Variants in ZNF385D observed in about 807,000 individuals in gnomAD.
The protein encoded by ZNF385D is zinc finger protein 385D, also known as zinc finger protein 659.
In ZNF385D, 15 loss-of-function variants were observed where a neutral mutation model predicts 35.8. The observed-to-expected ratio is 0.42, with a 90% CI of 0.28 to 0.64. ZNF385D has a LOEUF of 0.64. Ranked by LOEUF, ZNF385D falls within the 30% of genes least tolerant of loss-of-function variation. ZNF385D has a pLI of 0.23. For missense variants in ZNF385D, 474 were observed against 494.6 expected (o/e 0.96, Z 0.39); for synonymous variants, 212 against 186.8 (o/e 1.13, Z -1.10).
chr3:21,472,374 A>G (rs1183866115), intron 4 of ZNF385D, among the ~76,000 whole-genome samples: 1 of 152,112 alleles, frequency 6.6e-6, no homozygotes, highest in Non-Finnish European at 1.5e-5. Flanking sequence ...ATAAAATAAG[A>G]GCAAAAAAAG....
At chr3:22,270,892 A>G (rs1014922068) in intron 2 of ZNF385D, among the ~76,000 whole-genome samples, 6 of 152,070 alleles carry the variant, frequency 3.9e-5, no homozygotes, top group Admixed American at 2.6e-4. Flanking sequence ...TAAAAAACTA[A>G]TATCACACAA....
At chr3:22,104,971 T>G (rs927458589) in intron 3 of ZNF385D, among the ~76,000 whole-genome samples, 2 of 152,148 alleles carry the variant, frequency 1.3e-5, no homozygotes, top group African/African-American at 4.8e-5. Flanking sequence ...CGTCTTTACA[T>G]TGACCCAGTA....
intron 2 of ZNF385D, among the ~76,000 whole-genome samples, chr3:22,185,543 CT>C (rs1472426507): frequency 1.3e-5 from 2 of 152,138 alleles, no homozygotes; most frequent in Non-Finnish European, 2.9e-5. Flanking sequence ...TCTTGGCTCA[CT>C]GCAACCTCCG....
chr3:21,435,318 C>T (rs970528775), intron 5 of ZNF385D, among the ~76,000 whole-genome samples: 3 of 133,292 alleles, frequency 2.3e-5, no homozygotes, highest in African/African-American at 5.8e-5. Context: ...AGTGCAGTGG[C>T]GCGATCATGG....
chr3:22,089,481 C>G (rs1055539362), intron 3 of ZNF385D, among the ~76,000 whole-genome samples: 2 of 152,162 alleles, frequency 1.3e-5, no homozygotes, highest in African/African-American at 4.8e-5. Context: ...GCGGTACACG[C>G]AATTTCTGCA....
At chr3:21,627,246 G>T (rs1259802077) in intron 2 of ZNF385D, among the ~76,000 whole-genome samples, 1 of 139,420 alleles carries the variant, frequency 7.2e-6, no homozygotes, top group Admixed American at 7.2e-5. Context: ...AGAGGTGTAG[G>T]GTGTGTGTGT....
intron 2 of ZNF385D, among the ~76,000 whole-genome samples, chr3:22,217,384 G>T (rs545336847): frequency 6.6e-6 from 1 of 152,198 alleles, no homozygotes; most frequent in South Asian, 2.1e-4. Context: ...TTCCTTCAAA[G>T]AAGGCATCTC....
chr3:21,949,262 A>T (rs563648), intron 3 of ZNF385D, among the ~76,000 whole-genome samples: 39,477 of 152,144 alleles, frequency 0.26, 5,844 homozygotes, highest in Admixed American at 0.41. Context: ...TAATAATTCT[A>T]TATGACATGG....
At chr3:22,260,471 A>G (rs1012507540) in intron 2 of ZNF385D, among the ~76,000 whole-genome samples, 1 of 152,042 alleles carries the variant, frequency 6.6e-6, no homozygotes, top group Non-Finnish European at 1.5e-5. Flanking sequence ...CTATGTAACA[A>G]ATCTGCACAT....
intron 2 of ZNF385D, among the ~76,000 whole-genome samples, chr3:22,225,359 C>A (rs920544466): frequency 6.6e-6 from 1 of 152,222 alleles, no homozygotes; most frequent in East Asian, 1.9e-4. Context: ...TCTCGTGTAA[C>A]CCGCGTCCAC....
At chr3:21,560,565 A>G (rs542341978) in intron 3 of ZNF385D, among the ~76,000 whole-genome samples, 1 of 152,252 alleles carries the variant, frequency 6.6e-6, no homozygotes, top group Non-Finnish European at 1.5e-5. Context: ...GCTCTCCTGT[A>G]TGAGGTGCCG....
chr3:21,691,953 T>C (rs1174871012), intron 1 of ZNF385D, among the ~76,000 whole-genome samples: 1 of 152,176 alleles, frequency 6.6e-6, no homozygotes, highest in African/African-American at 2.4e-5. Flanking sequence ...CTACTCTAAA[T>C]ATCTCCTAGG....
At chr3:22,158,476 G>A (rs761451698) in intron 3 of ZNF385D, among the ~76,000 whole-genome samples, 22 of 151,928 alleles carry the variant, frequency 1.4e-4, no homozygotes, top group Non-Finnish European at 3.1e-4. Context: ...AGTTCACAGT[G>A]CTGCTATACA....
At chr3:21,650,865 A>G (rs1361753751) in intron 2 of ZNF385D, among the ~76,000 whole-genome samples, 2 of 152,250 alleles carry the variant, frequency 1.3e-5, no homozygotes, top group East Asian at 1.9e-4. Flanking sequence ...GAGTTAACTG[A>G]TGGGAAGTTT....
chr3:22,009,141 C>A (rs1335534996), intron 3 of ZNF385D, among the ~76,000 whole-genome samples: 1 of 152,072 alleles, frequency 6.6e-6, no homozygotes, highest in African/African-American at 2.4e-5. Flanking sequence ...ACACACATAT[C>A]CTCAAACCTA....
At chr3:22,227,360 G>A (rs1027335476) in intron 2 of ZNF385D, among the ~76,000 whole-genome samples, 7 of 152,058 alleles carry the variant, frequency 4.6e-5, no homozygotes, top group African/African-American at 1.7e-4. Flanking sequence ...ACGTGAATCT[G>A]ATTGTGTGTC....
chr3:21,422,165 G>A (rs1273355595), intron 7 of ZNF385D, among the ~76,000 whole-genome samples: 1 of 152,120 alleles, frequency 6.6e-6, no homozygotes, highest in Non-Finnish European at 1.5e-5. Context: ...AGGAGGGTTT[G>A]TATACTAATA....
chr3:22,296,316 A>G (rs1702574171), intron 2 of ZNF385D, among the ~76,000 whole-genome samples: 1 of 152,150 alleles, frequency 6.6e-6, no homozygotes, highest in South Asian at 2.1e-4. Flanking sequence ...GATGGTTTGA[A>G]CAGCTGGAGG....
chr3:21,951,970 A>T (rs1329111353), intron 3 of ZNF385D, among the ~76,000 whole-genome samples: 2 of 151,588 alleles, frequency 1.3e-5, no homozygotes, highest in Non-Finnish European at 2.9e-5. Context: ...AAAAACCATG[A>T]CCTTTGAGAG....
Sources: gnomAD v4.1 joint callset for allele counts (sites outside exome capture counted in the v4.1 genomes callset) on GRCh38, gnomAD v4.1.1 for gene constraint, MANE v1.5 for transcripts, NCBI Gene and HGNC (gene_info 2026-07-23, HGNC 2026-07-21) for gene names.